The following EYS variants were observed in gnomAD, a reference collection of about 807,000 sequenced individuals.
EYS encodes the protein protein eyes shut homolog.
EYS carries 250 observed loss-of-function variants against 282.1 expected under a neutral mutation model. The ratio of observed to expected loss-of-function variants is 0.89; its 90% CI spans 0.80 to 0.98. The LOEUF (loss-of-function observed/expected upper bound fraction) is 0.98. EYS is among the 50% of genes least tolerant of loss of function. The pLI is 0.00. For missense variants in EYS, 4,016 were observed against 3,709.0 expected, an observed-to-expected ratio of 1.08 and a Z score of -2.15; for synonymous variants, 1,355 against 1,282.9, an observed-to-expected ratio of 1.06 and a Z score of -1.20.
intron 30 of EYS, among the ~76,000 whole-genome samples, chr6:64,244,007 A>G (rs1766924182): frequency 6.6e-6 from 1 of 152,160 alleles, no homozygotes; most frequent in Non-Finnish European, 1.5e-5. Flanking sequence ...TATTGGGTCA[A>G]AAAAATGTCC....
intron 23 of EYS, among the ~76,000 whole-genome samples, chr6:64,623,393 G>A (rs13205400): frequency 6.6e-6 from 1 of 151,972 alleles, no homozygotes; most frequent in African/African-American, 2.4e-5. Flanking sequence ...AACATGTTGT[G>A]GGACATTACC....
chr6:64,856,986 T>C (rs2150045826), intron 19 of EYS, among the ~76,000 whole-genome samples: 1 of 152,312 alleles, frequency 6.6e-6, no homozygotes, highest in East Asian at 1.9e-4. Context: ...TATATCTAGA[T>C]TAATTATTCC....
intron 22 of EYS, among the ~76,000 whole-genome samples, chr6:64,739,667 A>G (rs1462384967): frequency 1.3e-5 from 2 of 152,176 alleles, no homozygotes; most frequent in Non-Finnish European, 2.9e-5. Flanking sequence ...AAGCACCTAG[A>G]ATAAAAACCT....
intron 31 of EYS, among the ~76,000 whole-genome samples, chr6:64,157,744 AC>A (rs2150298966): frequency 6.6e-6 from 1 of 152,312 alleles, no homozygotes; most frequent in Admixed American, 6.5e-5. Context: ...GGGTTTGGGA[AC>A]CTTCGCCTAG....
intron 26 of EYS, among the ~76,000 whole-genome samples, chr6:64,520,445 C>A (rs1387827675): frequency 6.6e-6 from 1 of 151,644 alleles, no homozygotes; most frequent in East Asian, 1.9e-4. Flanking sequence ...TCCAGCCAAG[C>A]ATTTTTTCCC....
chr6:63,991,976 C>T (rs867861413), intron 34 of EYS, among the ~76,000 whole-genome samples: 30 of 151,748 alleles, frequency 2.0e-4, no homozygotes, highest in African/African-American at 7.2e-4. Flanking sequence ...ACCTGCAAAC[C>T]AAGAATACTG....
chr6:64,271,582 T>C (rs1401412008), intron 30 of EYS, among the ~76,000 whole-genome samples: 4 of 152,162 alleles, frequency 2.6e-5, no homozygotes. Context: ...TGTTTCCTTT[T>C]CTTTTTGTGA....
At chr6:65,636,610 A>C (rs1767098699) in intron 2 of EYS, among the ~76,000 whole-genome samples, 1 of 152,188 alleles carries the variant, frequency 6.6e-6, no homozygotes, top group Non-Finnish European at 1.5e-5. Context: ...AATAAAAATA[A>C]ATAAAAGCAT....
intron 35 of EYS, among the ~76,000 whole-genome samples, chr6:63,868,996 A>G (rs1443403841): frequency 2.0e-5 from 3 of 152,192 alleles, no homozygotes; most frequent in African/African-American, 7.2e-5. Context: ...GTAGCCAAGC[A>G]TGAAAATAAT....
chr6:64,936,214 C>G (rs1419523145), intron 15 of EYS, among the ~76,000 whole-genome samples: 1 of 151,324 alleles, frequency 6.6e-6, no homozygotes, highest in Non-Finnish European at 1.5e-5. Context: ...GCTTCATTGA[C>G]AGCATTTGAA....
At chr6:65,423,923 A>T (rs1369841883) in intron 5 of EYS, among the ~76,000 whole-genome samples, 1 of 152,006 alleles carries the variant, frequency 6.6e-6, no homozygotes, top group Non-Finnish European at 1.5e-5. Flanking sequence ...GAATAAATAA[A>T]TCCCATCCAT....
chr6:65,222,048 A>T (rs576733359), intron 12 of EYS, among the ~76,000 whole-genome samples: 22 of 152,224 alleles, frequency 1.4e-4, no homozygotes, highest in African/African-American at 5.3e-4. Context: ...TATACCTAGG[A>T]AGTAACTAAC....
intron 11 of EYS, among the ~76,000 whole-genome samples, chr6:65,317,958 C>A (rs1769358332): frequency 6.6e-6 from 1 of 150,438 alleles, no homozygotes; most frequent in South Asian, 2.1e-4. Flanking sequence ...ACCTCCTCCT[C>A]CGGGGTTCAA....
At chr6:65,280,330 G>A (rs757949810) in intron 12 of EYS, among the ~76,000 whole-genome samples, 11 of 152,044 alleles carry the variant, frequency 7.2e-5, no homozygotes, top group Non-Finnish European at 1.0e-4. Context: ...TAGGAAATGC[G>A]TTTATTCTCA....
At position 65,160,687 on chromosome 6, in the gene EYS, C is replaced by T. The variant is rs976859777; in HGVS notation, c.2024-102960G>A. 2.7e-5 allele frequency among the ~76,000 whole-genome samples: 4 copies of T among 150,828 alleles called. No individual in the cohort carries two copies. In the East Asian group the frequency reaches 5.9e-4, roughly 22 times the overall value. On this transcript the variant is annotated intron_variant, in intron 12 of 42. Coordinates refer to ENST00000503581, the MANE Select transcript of EYS (RefSeq NM_001142800.2). ...TTCGTTCATCCCACGTTAAAGATGG[C>T]ATTTGAATAAATTTTTTATTTTCCC... is the stretch of plus-strand genomic sequence containing the variant.
intron 16 of EYS, among the ~76,000 whole-genome samples, chr6:64,910,127 A>G (rs1041602703): frequency 6.6e-6 from 1 of 152,118 alleles, no homozygotes; most frequent in Non-Finnish European, 1.5e-5. Context: ...CAACTTACAA[A>G]GAGATCCAGT....
intron 12 of EYS, among the ~76,000 whole-genome samples, chr6:65,168,088 T>C (rs957128582): frequency 6.6e-6 from 1 of 151,390 alleles, no homozygotes; most frequent in African/African-American, 2.4e-5. Flanking sequence ...CTACTAGTTT[T>C]TGTTCAAATT....
chr6:64,645,995 G>A (rs768438115), intron 22 of EYS, among the ~76,000 whole-genome samples: 4 of 152,040 alleles, frequency 2.6e-5, no homozygotes, highest in Non-Finnish European at 5.9e-5. Flanking sequence ...TAAGATATTA[G>A]ACAGTTACAG....
At chr6:64,549,685 G>A (rs1765002451) in intron 26 of EYS, among the ~76,000 whole-genome samples, 1 of 151,040 alleles carries the variant, frequency 6.6e-6, no homozygotes, top group South Asian at 2.1e-4. Flanking sequence ...CTTACCAACA[G>A]GAAATATCCA....
Sources: allele counts gnomAD v4.1 joint callset (sites outside exome capture counted in the v4.1 genomes callset), GRCh38; gene constraint gnomAD v4.1.1; transcripts MANE v1.5; gene names NCBI Gene and HGNC (gene_info 2026-07-23, HGNC 2026-07-21).